ZNF233: variants seen among roughly 807,000 people sequenced by gnomAD.
ZNF233 encodes zinc finger protein 233.
In ZNF233, 7 loss-of-function variants were observed where a neutral mutation model predicts 11.6. That is an observed-to-expected ratio of 0.60 (90% CI 0.34 to 1.13). The LOEUF (loss-of-function observed/expected upper bound fraction) is 1.13. Among genes scored for constraint, ZNF233 ranks in the 50% most tolerant of loss-of-function variants. The probability of loss-of-function intolerance (pLI) is 0.03; values close to 1 mark genes in which losing one functional copy is unlikely to be tolerated. For synonymous variants in ZNF233, 226 were observed against 268.5 expected (o/e 0.84, Z 1.55); for missense variants, 711 against 785.5 (o/e 0.91, Z 1.13).
chr19:44,272,275 A>G (rs992255335), intron 4 of ZNF233, among the ~76,000 whole-genome samples: 17 of 151,208 alleles, frequency 1.1e-4, no homozygotes, highest in Admixed American at 4.6e-4. Context: ...AGATGTATAA[A>G]ATCTACAAAA....
intron 4 of ZNF233, among the ~76,000 whole-genome samples, chr19:44,270,871 C>T (rs1251801085): frequency 6.6e-6 from 1 of 152,148 alleles, no homozygotes; most frequent in Non-Finnish European, 1.5e-5. Context: ...GTTTTTATGA[C>T]CTAGCATCAG....
In ZNF233 at chr19:44,274,721, A is replaced by G. The variant is rs1445232563; in HGVS notation, c.*48A>G. Reference sequence around the variant, plus strand: ...GATGAGTGTGATAGGGGTGCTCTTCAAGACTTAGACTTCCCATTTTCCTCA... The same window carrying G: ...GATGAGTGTGATAGGGGTGCTCTTCGAGACTTAGACTTCCCATTTTCCTCA... On this transcript the variant is annotated 3_prime_UTR_variant, in exon 5 of 5. Transcript: ENST00000683810. The G allele has an allele frequency of 1.4e-6, 2 of 1,422,430 alleles. No homozygotes were observed. Among genetic ancestry groups the G allele is most frequent in the Admixed American group, 4.4e-5 (2 of 45,378 alleles). The allele number at this position is 1,422,430 out of a possible 1,614,324, so 88.1% of individuals were successfully genotyped here. A position where few individuals can be genotyped will look rare whatever the true frequency, so the allele number is the denominator to read the frequency against.
At chr19:44,266,395 T>G (rs1975085931) in intron 3 of ZNF233, 71 bp downstream of exon 3, 3 of 1,405,878 alleles carry the variant, frequency 2.1e-6, no homozygotes, top group Non-Finnish European at 2.8e-6. Flanking sequence ...ATTTAAGACT[T>G]TGGGACGCTT....
chr19:44,272,951 C>T lies in ZNF233; in HGVS notation c.291C>T (p.Phe97=). 6.2e-7 allele frequency: 1 copy of T among 1,609,232 alleles called. No homozygotes were observed. The highest frequency in any genetic ancestry group is 8.5e-7 in the Non-Finnish European group (1 of 1,178,880). The part of the protein sequence containing the change: ...IDTLQEVRLR[F]LSYEDLICWQ... ...CCCTTCAAGAAGTAAGATTAAGATT[C>T]CTTTCATATGAAGACCTTATATGCT... Residue 97 remains phenylalanine, a synonymous_variant, in exon 5 of 5, where the codon TTC becomes TTT. Transcript: ENST00000683810.
chr19:44,267,017 C>T (rs1975107587), intron 4 of ZNF233, 56 bp downstream of exon 4: 2 of 1,356,330 alleles, frequency 1.5e-6, no homozygotes, highest in East Asian at 4.6e-5. Context: ...CTCTCCTCCT[C>T]ACCACCTCCT....
At position 44,266,897 on chromosome 19, in the gene ZNF233, A is replaced by G. The variant is rs1254888503; in HGVS notation, c.174A>G (p.Leu58=). The part of the protein sequence containing the change: ...GYQPFKLDVI[L]QLGKEDKLRM... ...AACCCTTCAAACTAGATGTGATATT[A>G]CAGTTGGGAAAAGAAGACAAGCTTC... The change falls in exon 4 of 5, where the codon TTA becomes TTG. Residue 58 remains leucine, a synonymous_variant. Coordinates refer to ENST00000683810, the MANE Select transcript of ZNF233 (RefSeq NM_001207005.2). The G allele has an allele frequency of 1.2e-6, 2 of 1,614,032 alleles. No homozygotes were observed. Among genetic ancestry groups the G allele is most frequent in the Non-Finnish European group, 1.7e-6 (2 of 1,179,946 alleles).
At chr19:44,271,602 T>C (rs1975236985) in intron 4 of ZNF233, among the ~76,000 whole-genome samples, 1 of 151,862 alleles carries the variant, frequency 6.6e-6, no homozygotes, top group Non-Finnish European at 1.5e-5. Context: ...CTCTGCCTCC[T>C]GGGTTCACAC....
chr19:44,265,192 GA>G (rs1430470433), intron 2 of ZNF233, among the ~76,000 whole-genome samples: 1 of 151,766 alleles, frequency 6.6e-6, no homozygotes, highest in Admixed American at 6.6e-5. Flanking sequence ...GTCATTCTTA[GA>G]CCTTTGGATC....
intron 4 of ZNF233, among the ~76,000 whole-genome samples, chr19:44,270,914 T>C (rs1975221100): frequency 6.6e-6 from 1 of 152,186 alleles, no homozygotes; most frequent in Non-Finnish European, 1.5e-5. Flanking sequence ...CCATATTCTA[T>C]TGGTTTCACA....
chr19:44,274,205 G>C lies in ZNF233; in HGVS notation c.1545G>C (p.Lys515Asn), dbSNP rs772269706. The C allele has an allele frequency of 5.3e-5, 86 of 1,613,356 alleles. No individual in the cohort carries two copies. The highest frequency in any genetic ancestry group is 4.0e-4 in the Admixed American group (24 of 59,920). The change falls in exon 5 of 5, where the codon AAG becomes AAC. Residue 515 changes from lysine (K) to asparagine (N), a missense_variant. Lys to Asn is a moderately conservative substitution (Grantham distance 94). Coordinates refer to ENST00000683810, the MANE Select transcript of ZNF233 (RefSeq NM_001207005.2). ...CCTACAAATGTGACACATGTGGGAA[G>C]GACTTCAGTCAGATCTCTCATCTTC... Reference protein sequence around the residue: ...EKPYKCDTCGKDFSQISHLQA... With the variant: ...EKPYKCDTCGNDFSQISHLQA...
intron 1 of ZNF233, 87 bp downstream of exon 1, chr19:44,260,025 A>T: frequency 4.9e-6 from 2 of 409,566 alleles, no homozygotes; most frequent in Middle Eastern, 7.0e-4. Flanking sequence ...GCTCTCAGTG[A>T]AGGGAAGTCG....
chr19:44,259,938 G>A lies in ZNF233; in HGVS notation c.-48G>A, dbSNP rs1368832690. 2 of 455,472 alleles carry A rather than the reference G, an allele frequency of 4.4e-6. No individual in the cohort carries two copies. Among genetic ancestry groups the A allele is most frequent in the African/African-American group, 4.0e-5 (2 of 50,010 alleles). The allele number at this position is 455,472 out of a possible 1,614,324, so 28.2% of individuals were successfully genotyped here. On this transcript the variant is annotated splice_region_variant and 5_prime_UTR_variant, in exon 1 of 5. Coordinates refer to ENST00000683810, the MANE Select transcript of ZNF233 (RefSeq NM_001207005.2). ...CAGCCGTCATCTATCCCCTCTGGGA[G>A]GTGAGTCAGCGCGGAACCTCTGCAT...
At chr19:44,264,897 G>A (rs1975029894) in intron 2 of ZNF233, among the ~76,000 whole-genome samples, 1 of 152,096 alleles carries the variant, frequency 6.6e-6, no homozygotes, top group African/African-American at 2.4e-5. Flanking sequence ...TCTCTAAATA[G>A]TATTTCAATT....
Position 44,274,131 on chromosome 19 carries a change from C to A in ZNF233, c.1471C>A (p.Arg491Ser). ...TGATGTGTGTGATAAGAACTTCAGC[C>A]GTAATTCCCACCTTCAGGCCCATCA... ...KCDVCDKNFS[R>S]NSHLQAHQRV... The change falls in exon 5 of 5, where the codon CGT becomes AGT. Residue 491 changes from arginine to serine, a missense_variant. Coordinates refer to ENST00000683810, the MANE Select transcript of ZNF233 (RefSeq NM_001207005.2). 1 of 1,613,146 alleles carries A rather than the reference C, an allele frequency of 6.2e-7. No individual in the cohort carries two copies. The highest frequency in any genetic ancestry group is 1.7e-4 in the Middle Eastern group (1 of 6,054).
At chr19:44,268,320 G>GT (rs1975148680) in intron 4 of ZNF233, 2 of 151,944 alleles carry the variant, frequency 1.3e-5, no homozygotes, top group African/African-American at 2.4e-5. Context: ...CTTCATGAAC[G>GT]TAAGAATTTT....
chr19:44,265,368 C>T (rs71339523), intron 2 of ZNF233, among the ~76,000 whole-genome samples: 1,856 of 17,834 alleles, frequency 0.1, 25 homozygotes, highest in South Asian at 0.39. Context: ...TATATATATA[C>T]ACACACACAC....
chr19:44,262,621 C>T (rs999825830), intron 1 of ZNF233, among the ~76,000 whole-genome samples: 2 of 152,190 alleles, frequency 1.3e-5, no homozygotes, highest in African/African-American at 4.8e-5. Flanking sequence ...GAATACATTG[C>T]TCTCGTCCCT....
intron 2 of ZNF233, among the ~76,000 whole-genome samples, chr19:44,264,690 A>C (rs187523062): frequency 6.6e-6 from 1 of 152,220 alleles, no homozygotes; most frequent in Non-Finnish European, 1.5e-5. Flanking sequence ...ATGTATTTAC[A>C]TATTGTATGT....
Position 44,273,881 on chromosome 19 carries a change from C to G in ZNF233, c.1221C>G (p.Phe407Leu). The G allele has an allele frequency of 2.5e-6, 4 of 1,614,168 alleles. No individual in the cohort carries two copies. The highest frequency in any genetic ancestry group is 2.5e-6 in the Non-Finnish European group (3 of 1,180,042). Residue 407 changes from phenylalanine (F) to leucine (L), a missense_variant, in exon 5 of 5, where the codon TTC becomes TTG. Phe to Leu is a conservative substitution (Grantham distance 22). Coordinates refer to ENST00000683810, the MANE Select transcript of ZNF233 (RefSeq NM_001207005.2). ...ACKCDVYDKG[F>L]SQTSQLQAHQ... ...AATGTGATGTATATGATAAAGGCTT[C>G]AGTCAGACATCACAACTTCAAGCCC...
Sources: gnomAD v4.1 joint callset for allele counts (sites outside exome capture counted in the v4.1 genomes callset) on GRCh38, gnomAD v4.1.1 for gene constraint, MANE v1.5 for transcripts, NCBI Gene and HGNC (gene_info 2026-07-23, HGNC 2026-07-21) for gene names.